Variants in SNX30 observed in about 807,000 individuals in gnomAD.
The protein encoded by SNX30 is sorting nexin-30.
Under a neutral mutation model 46.4 loss-of-function variants are expected in SNX30, and 24 were observed. The observed-to-expected ratio is 0.52, with a 90% CI of 0.37 to 0.73. SNX30 has a LOEUF of 0.73. Ranked by LOEUF, SNX30 falls within the 30% of genes least tolerant of loss-of-function variation. The pLI is 0.00. For missense variants in SNX30, 533 were observed against 555.7 expected, an observed-to-expected ratio of 0.96 and a Z score of 0.41; for synonymous variants, 189 against 211.5, an observed-to-expected ratio of 0.89 and a Z score of 0.92.
intron 5 of SNX30, among the ~76,000 whole-genome samples, chr9:112,837,465 T>C: frequency 6.6e-6 from 1 of 151,712 alleles, no homozygotes; most frequent in South Asian, 2.1e-4. Flanking sequence ...GTTTTTGTTT[T>C]TCGTTTTTTG....
intron 2 of SNX30, among the ~76,000 whole-genome samples, chr9:112,813,490 A>C (rs1840350050): frequency 1.0e-5 from 1 of 96,228 alleles, no homozygotes; most frequent in Admixed American, 1.1e-4. Flanking sequence ...TTTTTTTGCG[A>C]GACAGTCTCA....
intron 6 of SNX30, among the ~76,000 whole-genome samples, chr9:112,844,172 AT>A (rs1422938346): frequency 1.3e-5 from 2 of 152,144 alleles, no homozygotes; most frequent in Non-Finnish European, 2.9e-5. Flanking sequence ...TGATGGGCCA[AT>A]GGCACTTGCT....
intron 1 of SNX30, among the ~76,000 whole-genome samples, chr9:112,796,508 T>G (rs1322142517): frequency 6.6e-6 from 1 of 152,140 alleles, no homozygotes; most frequent in Non-Finnish European, 1.5e-5. Flanking sequence ...TGCAGTCACG[T>G]CCACACTGAG....
chr9:112,847,815 C>A (rs1164356283), intron 6 of SNX30, among the ~76,000 whole-genome samples: 11 of 152,124 alleles, frequency 7.2e-5, no homozygotes. Context: ...GAGTGTGAGG[C>A]CCTCCTTGGG....
chr9:112,771,486 G>T (rs1364591337), intron 1 of SNX30, among the ~76,000 whole-genome samples: 1 of 152,092 alleles, frequency 6.6e-6, no homozygotes, highest in Non-Finnish European at 1.5e-5. Flanking sequence ...TCTGTCTTGC[G>T]TGTGTGTGAA....
intron 7 of SNX30, 132 bp from the exon 8 acceptor site, chr9:112,864,115 C>A (rs895138394): frequency 1.1e-5 from 11 of 964,214 alleles, no homozygotes; most frequent in Non-Finnish European, 1.7e-5. Flanking sequence ...ATAAATGCCT[C>A]CAGAGGAGGG....
chr9:112,864,129 G>A (rs1012227852), intron 7 of SNX30, 118 bp from the exon 8 acceptor site: 24 of 1,071,820 alleles, frequency 2.2e-5, no homozygotes, highest in Middle Eastern at 3.0e-4. Context: ...AGGAGGGAGC[G>A]TGTTGATAGC....
At chr9:112,771,958 TTC>T (rs1480213075) in intron 1 of SNX30, among the ~76,000 whole-genome samples, 2 of 152,198 alleles carry the variant, frequency 1.3e-5, no homozygotes, top group Non-Finnish European at 2.9e-5. Context: ...GCTTGAGACA[TTC>T]TTTTTTTTCC....
chr9:112,788,012 G>T (rs1399225711), intron 1 of SNX30, among the ~76,000 whole-genome samples: 1 of 151,938 alleles, frequency 6.6e-6, no homozygotes, highest in Non-Finnish European at 1.5e-5. Flanking sequence ...TATTGATCAG[G>T]CTGGTCTTGA....
chr9:112,767,530 C>T (rs1416953369), intron 1 of SNX30, among the ~76,000 whole-genome samples: 1 of 151,756 alleles, frequency 6.6e-6, no homozygotes, highest in African/African-American at 2.4e-5. Context: ...TGTTTTTTTT[C>T]CTAGGAGTTT....
chr9:112,759,783 C>G (rs1364290956), intron 1 of SNX30, among the ~76,000 whole-genome samples: 1 of 151,740 alleles, frequency 6.6e-6, no homozygotes, highest in Non-Finnish European at 1.5e-5. Context: ...ATTTGAATCT[C>G]AGCCCCACCA....
chr9:112,836,154 A>C, intron 4 of SNX30, 60 bp from the exon 5 acceptor site: 1 of 1,453,612 alleles, frequency 6.9e-7, no homozygotes, highest in Non-Finnish European at 9.3e-7. Context: ...AAGCTGTTTT[A>C]TTTAGTCCTG....
At chr9:112,774,089 AT>A (rs2131367814) in intron 1 of SNX30, among the ~76,000 whole-genome samples, 1 of 152,334 alleles carries the variant, frequency 6.6e-6, no homozygotes, top group East Asian at 1.9e-4. Flanking sequence ...TATTCCATTC[AT>A]TTATTCATCA....
chr9:112,817,401 C>CTTTTTTTTTTTGTTTTTTTTTTTT (rs1840414880), intron 2 of SNX30, among the ~76,000 whole-genome samples: 1 of 46,832 alleles, frequency 2.1e-5, no homozygotes, highest in African/African-American at 9.7e-5. Flanking sequence ...AAAAAACTGG[C>CTTTTTTTTTTTGTTTTTTTTTTTT]TTTTTTTTTT....
At chr9:112,843,632 T>TTTTG (rs957399136) in intron 6 of SNX30, among the ~76,000 whole-genome samples, 2 of 147,914 alleles carry the variant, frequency 1.4e-5, no homozygotes, top group Non-Finnish European at 3.0e-5. Context: ...GTAGCTTTTT[T>TTTTG]TTTTTTTTTT....
chr9:112,776,717 A>G (rs565629700), intron 1 of SNX30, among the ~76,000 whole-genome samples: 69 of 152,326 alleles, frequency 4.5e-4, no homozygotes, highest in Admixed American at 1.6e-3. Flanking sequence ...GTGAGTGGAT[A>G]GGGGTGGGGT....
intron 1 of SNX30, among the ~76,000 whole-genome samples, chr9:112,775,417 G>A (rs988868895): frequency 4.0e-5 from 6 of 151,068 alleles, no homozygotes; most frequent in African/African-American, 1.5e-4. Flanking sequence ...CAAAGTGCTG[G>A]GATTACAGGT....
In SNX30 at chr9:112,771,901, G is replaced by A. The variant is rs145212270; in HGVS notation, c.156+20744G>A. ...ATGGGTGAATGTTGGCTTGTGGTGA[G>A]TTTTACCCTTTCCCTCTGTGGTCAA... is the stretch of plus-strand genomic sequence containing the variant. On this transcript the variant is annotated intron_variant, in intron 1 of 8. Transcript: ENST00000374232. Among the ~76,000 whole-genome samples, 39 of 152,322 alleles carry A rather than the reference G, an allele frequency of 2.6e-4. No individual in the cohort carries two copies. In the East Asian group the frequency reaches 7.5e-3, roughly 29 times the overall value.
intron 4 of SNX30, among the ~76,000 whole-genome samples, chr9:112,834,909 A>G (rs552316666): frequency 6.7e-6 from 1 of 150,024 alleles, no homozygotes; most frequent in African/African-American, 2.5e-5. Context: ...AGGCTGGATC[A>G]AGAGCAAAAA....
Sources: allele counts gnomAD v4.1 joint callset (sites outside exome capture counted in the v4.1 genomes callset), GRCh38; gene constraint gnomAD v4.1.1; transcripts MANE v1.5; gene names NCBI Gene and HGNC (gene_info 2026-07-23, HGNC 2026-07-21).